CENPP: variants seen among roughly 807,000 people sequenced by gnomAD.
CENPP encodes the protein centromere protein P.
CENPP carries 24 observed loss-of-function variants against 35.6 expected under a neutral mutation model. The observed-to-expected ratio is 0.67, with a 90% confidence interval of 0.49 to 0.95. CENPP has a LOEUF of 0.95. CENPP is among the 40% of genes least tolerant of loss of function. The pLI, the probability that CENPP is intolerant of heterozygous loss-of-function variation, is 0.00. For synonymous variants in CENPP, 120 were observed against 125.5 expected (o/e 0.96, Z 0.29); for missense variants, 332 against 345.3 (o/e 0.96, Z 0.31).
At chr9:92,404,959 T>A (rs1428288823) in intron 5 of CENPP, among the ~76,000 whole-genome samples, 1 of 152,166 alleles carries the variant, frequency 6.6e-6, no homozygotes, top group African/African-American at 2.4e-5. Flanking sequence ...GTTAATTTTA[T>A]GAGGATTAAA....
intron 5 of CENPP, among the ~76,000 whole-genome samples, chr9:92,567,310 A>C (rs551175448): frequency 2.0e-5 from 3 of 149,186 alleles, no homozygotes; most frequent in Non-Finnish European, 4.5e-5. Context: ...ATAAGAGACT[A>C]ATACTTTTGT....
At position 92,553,239 on chromosome 9, in the gene CENPP, C is replaced by T. The variant is rs142830802; in HGVS notation, c.565-58075C>T. Reference sequence around the variant, plus strand: ...TGGCTGTAAGTATTTGGGTTTATTTCTGGGTTGTCTATTCTGTTCCATTGG... The same window carrying T: ...TGGCTGTAAGTATTTGGGTTTATTTTTGGGTTGTCTATTCTGTTCCATTGG... On this transcript the variant is annotated intron_variant, in intron 5 of 7. Transcript: ENST00000375587. Among the ~76,000 whole-genome samples, 102 of 152,218 alleles carry T rather than the reference C, an allele frequency of 6.7e-4. No individual in the cohort carries two copies. In the East Asian group the frequency reaches 0.013, roughly 20 times the overall value.
chr9:92,347,110 C>T (rs1841314683), intron 4 of CENPP, among the ~76,000 whole-genome samples: 2 of 152,074 alleles, frequency 1.3e-5, no homozygotes, highest in South Asian at 4.1e-4. Flanking sequence ...TAGAGTAGAA[C>T]TAGAAAAGGC....
intron 5 of CENPP, among the ~76,000 whole-genome samples, chr9:92,532,256 C>T (rs1488692014): frequency 2.0e-5 from 3 of 150,774 alleles, no homozygotes; most frequent in South Asian, 2.1e-4. Context: ...AATTTTTTTT[C>T]TCTCACTGTT....
intron 5 of CENPP, chr9:92,393,394 C>T (rs578022159): frequency 8.7e-6 from 5 of 576,386 alleles, no homozygotes; most frequent in South Asian, 3.8e-5. Context: ...TAACTCGTTA[C>T]CTATATTGTG....
chr9:92,361,364 C>T (rs1044112518), intron 4 of CENPP, among the ~76,000 whole-genome samples: 2 of 151,844 alleles, frequency 1.3e-5, no homozygotes, highest in Non-Finnish European at 2.9e-5. Context: ...TGGTCTCGAA[C>T]CCCTGACCTC....
intron 5 of CENPP, among the ~76,000 whole-genome samples, chr9:92,485,438 T>A (rs552473765): frequency 6.6e-6 from 1 of 152,360 alleles, no homozygotes; most frequent in African/African-American, 2.4e-5. Flanking sequence ...ATATTCTCAG[T>A]ACTGACAGTT....
intron 5 of CENPP, among the ~76,000 whole-genome samples, chr9:92,387,150 A>G (rs1167651327): frequency 2.0e-5 from 3 of 151,194 alleles, no homozygotes; most frequent in Non-Finnish European, 4.4e-5. Flanking sequence ...ATGTGGGTGG[A>G]TCACTTGAGG....
intron 5 of CENPP, among the ~76,000 whole-genome samples, chr9:92,605,072 C>T (rs1851038197): frequency 6.6e-6 from 1 of 152,132 alleles, no homozygotes; most frequent in Non-Finnish European, 1.5e-5. Context: ...CCTCCACCTC[C>T]CAGGTTCAAG....
At chr9:92,551,900 C>T (rs2131327228) in intron 5 of CENPP, among the ~76,000 whole-genome samples, 1 of 129,740 alleles carries the variant, frequency 7.7e-6, no homozygotes, top group African/African-American at 2.7e-5. Flanking sequence ...GAGTTAACAG[C>T]ATTTGTTATA....
At chr9:92,456,944 A>G in intron 5 of CENPP, 2 of 1,041,812 alleles carry the variant, frequency 1.9e-6, no homozygotes, top group Non-Finnish European at 2.3e-6. Flanking sequence ...CATTCCATTT[A>G]CAGTACAGTT....
chr9:92,588,378 G>A (rs2131373355), intron 5 of CENPP, among the ~76,000 whole-genome samples: 1 of 151,358 alleles, frequency 6.6e-6, no homozygotes, highest in Admixed American at 6.6e-5. Context: ...CTCCCGAGTA[G>A]CTGGGACTAC....
chr9:92,561,461 G>A (rs72754461), intron 5 of CENPP, among the ~76,000 whole-genome samples: 6,064 of 152,238 alleles, frequency 0.04, 186 homozygotes, highest in South Asian at 0.099. Flanking sequence ...CCCTACAGCA[G>A]GAAATTGTTT....
chr9:92,574,162 G>A (rs1051944560), intron 5 of CENPP, among the ~76,000 whole-genome samples: 18 of 152,066 alleles, frequency 1.2e-4, no homozygotes, highest in South Asian at 2.1e-4. Flanking sequence ...CTTCTGCATC[G>A]CTCACGCTGG....
intron 5 of CENPP, among the ~76,000 whole-genome samples, chr9:92,447,088 T>A (rs973681612): frequency 6.6e-6 from 1 of 152,034 alleles, no homozygotes; most frequent in Non-Finnish European, 1.5e-5. Context: ...CTCTTTAACA[T>A]AGTGTAGCGG....
intron 2 of CENPP, among the ~76,000 whole-genome samples, chr9:92,334,514 TG>T (rs1260914946): frequency 6.6e-6 from 1 of 152,194 alleles, no homozygotes; most frequent in Non-Finnish European, 1.5e-5. Flanking sequence ...GATGTATGGA[TG>T]GTTTTGAAGG....
chr9:92,453,941 G>GAA (rs1844795371), intron 5 of CENPP, among the ~76,000 whole-genome samples: 2 of 151,470 alleles, frequency 1.3e-5, no homozygotes, highest in African/African-American at 2.4e-5. Flanking sequence ...ACAATTTGTG[G>GAA]AAAGACCTCA....
intron 1 of CENPP, among the ~76,000 whole-genome samples, chr9:92,329,654 T>C (rs1488673905): frequency 1.3e-5 from 2 of 152,146 alleles, no homozygotes; most frequent in African/African-American, 4.8e-5. Flanking sequence ...TCGTCCTGCC[T>C]CAGCGACCCT....
In CENPP at chr9:92,602,521, A is replaced by C. The variant is rs564256098; in HGVS notation, c.565-8793A>C. On this transcript the variant is annotated intron_variant, in intron 5 of 7. Transcript: ENST00000375587. The stretch of plus-strand genomic sequence containing the variant: ...TGCAGCGTTAGGCCCAGATTCAGCA[A>C]TCTGTGGTGCCAGCAGCTGCACCCA... 2.0e-5 allele frequency among the ~76,000 whole-genome samples: 3 copies of C among 152,290 alleles called. 1 individual carries two copies. In the South Asian group the frequency reaches 6.2e-4, roughly 32 times the overall value.
Sources: gnomAD v4.1 joint callset for allele counts (sites outside exome capture counted in the v4.1 genomes callset) on GRCh38, gnomAD v4.1.1 for gene constraint, MANE v1.5 for transcripts, NCBI Gene and HGNC (gene_info 2026-07-23, HGNC 2026-07-21) for gene names.